Variants in PTPRG observed in about 807,000 individuals in gnomAD.
PTPRG encodes the protein receptor-type tyrosine-protein phosphatase gamma.
In PTPRG, 102 loss-of-function variants were observed where a neutral mutation model predicts 165.3. The observed-to-expected ratio is 0.62, with a 90% CI of 0.53 to 0.73. The LOEUF is 0.73. PTPRG is among the 30% of genes least tolerant of loss of function. PTPRG has a pLI of 0.00. For missense variants in PTPRG, 1,866 were observed against 1,861.4 expected (o/e 1.00, Z -0.05); for synonymous variants, 675 against 669.5 (o/e 1.01, Z -0.13).
chr3:61,817,188 AATAATATAT>A (rs1653722749), intron 2 of PTPRG, among the ~76,000 whole-genome samples: 1 of 121,132 alleles, frequency 8.3e-6, no homozygotes, highest in African/African-American at 3.3e-5. Flanking sequence ...TAATATATAA[AATAATATAT>A]ATAATAATAT....
At chr3:61,819,250 C>G (rs1024492059) in intron 2 of PTPRG, among the ~76,000 whole-genome samples, 1 of 152,122 alleles carries the variant, frequency 6.6e-6, no homozygotes, top group African/African-American at 2.4e-5. Flanking sequence ...TGCCAGAAAT[C>G]AGGCAATATA....
chr3:61,994,324 AT>A (rs1254378591), intron 3 of PTPRG, among the ~76,000 whole-genome samples: 1 of 152,030 alleles, frequency 6.6e-6, no homozygotes. Flanking sequence ...TTTTTATTTT[AT>A]TTTTTTAAAC....
At chr3:61,664,610 C>T (rs192472824) in intron 1 of PTPRG, among the ~76,000 whole-genome samples, 87 of 152,294 alleles carry the variant, frequency 5.7e-4, no homozygotes, top group African/African-American at 2.0e-3. Flanking sequence ...TGGTAGGTCA[C>T]TTTGAGCCCA....
intron 1 of PTPRG, among the ~76,000 whole-genome samples, chr3:61,657,099 AT>A (rs1483373097): frequency 6.6e-6 from 1 of 152,176 alleles, no homozygotes; most frequent in Non-Finnish European, 1.5e-5. Flanking sequence ...GGAAAACTGT[AT>A]TTTTATGGAC....
chr3:62,086,714 A>G (rs1416827575), intron 5 of PTPRG, among the ~76,000 whole-genome samples: 2 of 152,222 alleles, frequency 1.3e-5, no homozygotes, highest in Non-Finnish European at 2.9e-5. Flanking sequence ...AAATTAAAAT[A>G]CATATGTTCC....
chr3:61,790,593 T>C (rs370471343), intron 2 of PTPRG, among the ~76,000 whole-genome samples: 5 of 152,216 alleles, frequency 3.3e-5, no homozygotes, highest in African/African-American at 4.8e-5. Flanking sequence ...AGATGTATAC[T>C]TTCCCTATGT....
At chr3:62,003,268 A>C (rs1032280072) in intron 3 of PTPRG, 81 bp from the exon 4 acceptor site, 24 of 1,473,256 alleles carry the variant, frequency 1.6e-5, no homozygotes, top group East Asian at 6.8e-5. Context: ...GTAATGGTGA[A>C]CTTTATTAGA....
intron 2 of PTPRG, among the ~76,000 whole-genome samples, chr3:61,820,603 GTTT>G (rs11329820): frequency 0.016 from 1,056 of 65,760 alleles, 20 homozygotes; most frequent in African/African-American, 0.062. Context: ...CTGTGTCTCT[GTTT>G]TTTTTTTTTT....
intron 1 of PTPRG, among the ~76,000 whole-genome samples, chr3:61,654,247 A>G (rs1702447480): frequency 6.6e-6 from 1 of 152,026 alleles, no homozygotes; most frequent in African/African-American, 2.4e-5. Context: ...CCCTGCACCC[A>G]TATGCTAGAT....
At chr3:61,853,223 G>A (rs1034013260) in intron 2 of PTPRG, among the ~76,000 whole-genome samples, 1 of 152,220 alleles carries the variant, frequency 6.6e-6, no homozygotes, top group East Asian at 1.9e-4. Context: ...GAGAAGGTGT[G>A]TGCGAGGTTC....
chr3:62,111,023 G>C (rs140784468), intron 5 of PTPRG, among the ~76,000 whole-genome samples: 1 of 152,192 alleles, frequency 6.6e-6, no homozygotes, highest in African/African-American at 2.4e-5. Context: ...TGTGGGAAGT[G>C]ATTCTAGCTT....
At chr3:61,794,021 T>C (rs752462214) in intron 2 of PTPRG, among the ~76,000 whole-genome samples, 1 of 152,230 alleles carries the variant, frequency 6.6e-6, no homozygotes, top group East Asian at 1.9e-4. Context: ...CCCTGGAAGT[T>C]AATGTCACAG....
chr3:62,003,262 T>A, intron 3 of PTPRG, 87 bp from the exon 4 acceptor site: 1 of 1,428,268 alleles, frequency 7.0e-7, no homozygotes, highest in Non-Finnish European at 9.6e-7. Context: ...ATCATGGTAA[T>A]GGTGAACTTT....
chr3:61,699,777 A>G (rs2030846306), intron 1 of PTPRG, among the ~76,000 whole-genome samples: 1 of 152,190 alleles, frequency 6.6e-6, no homozygotes, highest in African/African-American at 2.4e-5. Flanking sequence ...CATTGGAGTA[A>G]AAGGGAACAA....
chr3:61,821,256 G>A (rs532604263), intron 2 of PTPRG, among the ~76,000 whole-genome samples: 1 of 151,638 alleles, frequency 6.6e-6, no homozygotes, highest in African/African-American at 2.4e-5. Context: ...TGCAAGCTCC[G>A]CCGCCTGGGT....
intron 1 of PTPRG, 75 bp from the exon 2 acceptor site, chr3:61,748,803 G>T (rs1254658294): frequency 8.5e-7 from 1 of 1,174,666 alleles, no homozygotes; most frequent in Non-Finnish European, 1.3e-6. Context: ...GTCACCCAAT[G>T]GTGTTCATTT....
intron 1 of PTPRG, among the ~76,000 whole-genome samples, chr3:61,647,600 C>T (rs1475856296): frequency 6.6e-6 from 1 of 152,018 alleles, no homozygotes; most frequent in Non-Finnish European, 1.5e-5. Flanking sequence ...ACCATCCTGG[C>T]TAACACAGTG....
chr3:62,005,468 T>C (rs1012087951), intron 4 of PTPRG, among the ~76,000 whole-genome samples: 1 of 152,114 alleles, frequency 6.6e-6, no homozygotes, highest in African/African-American at 2.4e-5. Context: ...AGCCTCTTTG[T>C]CTTAGAATTG....
intron 14 of PTPRG, among the ~76,000 whole-genome samples, chr3:62,232,061 A>T (rs1481262902): frequency 6.6e-6 from 1 of 152,170 alleles, no homozygotes; most frequent in Admixed American, 6.5e-5. Context: ...AATCCATATT[A>T]TGTCAGGAGC....
Sources: gnomAD v4.1 joint callset for allele counts (sites outside exome capture counted in the v4.1 genomes callset) on GRCh38, gnomAD v4.1.1 for gene constraint, MANE v1.5 for transcripts, NCBI Gene and HGNC (gene_info 2026-07-23, HGNC 2026-07-21) for gene names.